PPARD: variants seen among roughly 807,000 people sequenced by gnomAD.
PPARD encodes the protein peroxisome proliferator-activated receptor delta.
A neutral mutation model predicts 39.5 loss-of-function variants in PPARD; 6 were observed. That is an observed-to-expected ratio of 0.15 (90% CI 0.08 to 0.30). PPARD has a LOEUF of 0.30. Among genes scored for constraint, PPARD ranks in the 10% least tolerant of loss-of-function variants. The pLI is 1.00. For missense variants in PPARD, 397 were observed against 596.8 expected (o/e 0.67, Z 3.49); for synonymous variants, 210 against 231.3 (o/e 0.91, Z 0.83).
chr6:35,353,101 T>G (rs1023087195), intron 2 of PPARD, among the ~76,000 whole-genome samples: 1 of 152,248 alleles, frequency 6.6e-6, no homozygotes, highest in African/African-American at 2.4e-5. Context: ...CTCATGATTT[T>G]CATTCCTGGA....
intron 2 of PPARD, 70 bp downstream of exon 2, chr6:35,347,220 C>T: frequency 6.7e-7 from 1 of 1,490,888 alleles, no homozygotes; most frequent in East Asian, 2.5e-5. Flanking sequence ...AAGATCCTGA[C>T]CTTGAAGATG....
chr6:35,348,419 C>T, intron 2 of PPARD: 2 of 985,386 alleles, frequency 2.0e-6, no homozygotes, highest in Non-Finnish European at 2.4e-6. Flanking sequence ...ATTGCTGTTT[C>T]CATGTTCTCA....
rs200950262 is a variant in PPARD at position 35,420,099 on chromosome 6, G to T, written c.131-28G>T. On this transcript the variant is annotated intron_variant, in intron 3 of 7. Coordinates refer to ENST00000360694, the MANE Select transcript of PPARD (RefSeq NM_006238.5). ...TGGCTTCCAGGCCTGGCAGCATGTG[G>T]AGCTGCCCCTCCATCGTGTGTCCGC... 3.7e-6 allele frequency: 6 copies of T among 1,604,670 alleles called. No individual in the cohort carries two copies. In the African/African-American group the frequency reaches 8.1e-5, roughly 22 times the overall value.
Position 35,425,808 on chromosome 6 carries a change from C to CCTACTTCCCTG in PPARD, c.1079-24_1079-23insCTACTTCCCTG. 1 of 1,610,888 alleles carries CCTACTTCCCTG rather than the reference C, an allele frequency of 6.2e-7. No individual in the cohort carries two copies. The highest frequency in any genetic ancestry group is 8.5e-7 in the Non-Finnish European group (1 of 1,178,326). ...GAGCTCCACTGCCTTTCTGAGCTCC[C>CCTACTTCCCTG]TGGCGTGCCCTGTGTCCCCACAGAC... On this transcript the variant is annotated intron_variant, in intron 7 of 7. Coordinates refer to ENST00000360694, the MANE Select transcript of PPARD (RefSeq NM_006238.5). This position sits in a 1 kb window ranked among gnomAD's most constrained non-coding sequence, Gnocchi z 4.5.
At chr6:35,386,901 G>T (rs944075647) in intron 2 of PPARD, among the ~76,000 whole-genome samples, 1 of 151,890 alleles carries the variant, frequency 6.6e-6, no homozygotes, top group Non-Finnish European at 1.5e-5. Context: ...GCACCCTGGA[G>T]GTCTTTGTTC....
intron 2 of PPARD, among the ~76,000 whole-genome samples, chr6:35,394,665 G>T (rs770580068): frequency 4.0e-5 from 6 of 151,776 alleles, no homozygotes; most frequent in Non-Finnish European, 8.8e-5. Flanking sequence ...CAGTTACCTG[G>T]GAGGCTGAGG....
chr6:35,374,968 C>A (rs750077800), intron 2 of PPARD, among the ~76,000 whole-genome samples: 2 of 152,016 alleles, frequency 1.3e-5, no homozygotes, highest in African/African-American at 2.4e-5. Context: ...TGTTTTTTGC[C>A]GTGAGGTCTG....
At chr6:35,368,323 AT>A (rs2150526494) in intron 2 of PPARD, among the ~76,000 whole-genome samples, 1 of 152,282 alleles carries the variant, frequency 6.6e-6, no homozygotes, top group African/African-American at 2.4e-5. Context: ...TGGCCTTTTG[AT>A]GCACAGTGCT....
intron 2 of PPARD, among the ~76,000 whole-genome samples, chr6:35,362,644 TG>T (rs1774420518): frequency 6.6e-6 from 1 of 151,920 alleles, no homozygotes; most frequent in South Asian, 2.1e-4. Flanking sequence ...GGGTCCCTGG[TG>T]CTGTCTTGAG....
intron 2 of PPARD, among the ~76,000 whole-genome samples, chr6:35,382,962 A>G (rs992943125): frequency 6.6e-6 from 1 of 152,222 alleles, no homozygotes; most frequent in African/African-American, 2.4e-5. Flanking sequence ...CCACTAGCCC[A>G]CTGGGCAGCG....
At chr6:35,385,448 A>G (rs1209103523) in intron 2 of PPARD, among the ~76,000 whole-genome samples, 1 of 150,532 alleles carries the variant, frequency 6.6e-6, no homozygotes, top group African/African-American at 2.4e-5. Context: ...GCTCGTTAAG[A>G]GTCATCACCA....
chr6:35,420,582 C>T (rs1766083869), intron 4 of PPARD, among the ~76,000 whole-genome samples: 1 of 152,174 alleles, frequency 6.6e-6, no homozygotes, highest in African/African-American at 2.4e-5. Flanking sequence ...GCTGAGCCAT[C>T]GTCTTACCTG....
At chr6:35,359,086 A>G (rs1035645931) in intron 2 of PPARD, among the ~76,000 whole-genome samples, 1 of 152,208 alleles carries the variant, frequency 6.6e-6, no homozygotes, top group African/African-American at 2.4e-5. Context: ...AGAATCTCGC[A>G]GGCAGAGGGA....
At position 35,425,222 on chromosome 6, in the gene PPARD, CA is replaced by C. The variant is rs1474330976; in HGVS notation, c.1078+447del. ...CCGAGAGGTGGAGGTTGCAGTGAGC[CA>C]AAATCCCACCACTGCACTCCAGCCT... On this transcript the variant is annotated intron_variant, in intron 7 of 7. Coordinates refer to ENST00000360694, the MANE Select transcript of PPARD (RefSeq NM_006238.5). The surrounding 1 kb of genome is among the most constrained non-coding windows in gnomAD (Gnocchi z 4.5). 1 of 989,424 alleles carries C rather than the reference CA, an allele frequency of 1.0e-6. No individual in the cohort carries two copies. Among genetic ancestry groups the C allele is most frequent in the Non-Finnish European group, 1.2e-6 (1 of 821,938 alleles). 61.3% of individuals were successfully genotyped at this position (989,424 alleles called of 1,614,324 possible).
In PPARD at chr6:35,408,108, C is replaced by T. The variant is rs138171854; in HGVS notation, c.-101-2879C>T. ...GGCCAGGTGCTTTCGGACTTTTCAC[C>T]CACCCTCCTACCCTGTCTTCTGCTG... On this transcript the variant is annotated intron_variant, in intron 2 of 7. Coordinates refer to ENST00000360694, the MANE Select transcript of PPARD (RefSeq NM_006238.5). Among the ~76,000 whole-genome samples the T allele has an allele frequency of 6.7e-3, 1,016 of 152,312 alleles. 8 individuals are homozygous for T. Among genetic ancestry groups the T allele is most frequent in the Middle Eastern group, 0.014 (4 of 294 alleles).
At chr6:35,372,280 C>T (rs1762523506) in intron 2 of PPARD, among the ~76,000 whole-genome samples, 1 of 152,214 alleles carries the variant, frequency 6.6e-6, no homozygotes, top group South Asian at 2.1e-4. Context: ...CAGGTTCAAG[C>T]CATTCTCCTG....
At chr6:35,410,418 G>T (rs1765349615) in intron 2 of PPARD, among the ~76,000 whole-genome samples, 1 of 152,158 alleles carries the variant, frequency 6.6e-6, no homozygotes, top group Non-Finnish European at 1.5e-5. Flanking sequence ...TTTTTCTGAT[G>T]TCTCTGCTAT....
rs1009410715 is a variant in PPARD, at chr6:35,342,694, C to G, written c.-186+13C>G. On this transcript the variant is annotated intron_variant, in intron 1 of 7. Transcript: ENST00000360694. ...GCAGCCGGGACAGGTCAGTCCGAGACGAGAGAAGCGGTCAGGCAAGTGGCG... is the reference window on the plus strand; with the variant it reads ...GCAGCCGGGACAGGTCAGTCCGAGAGGAGAGAAGCGGTCAGGCAAGTGGCG... 2 of 152,540 alleles carry G rather than the reference C, an allele frequency of 1.3e-5. No individual in the cohort carries two copies. The highest frequency in any genetic ancestry group is 4.8e-5 in the African/African-American group (2 of 41,458). 9.4% of individuals were successfully genotyped at this position (152,540 alleles called of 1,614,324 possible).
chr6:35,375,487 A>T (rs1762763223), intron 2 of PPARD, among the ~76,000 whole-genome samples: 1 of 152,064 alleles, frequency 6.6e-6, no homozygotes, highest in African/African-American at 2.4e-5. Flanking sequence ...AAGTGCTGGG[A>T]TTACAGGCAT....
Sources: gnomAD v4.1 joint callset for allele counts (sites outside exome capture counted in the v4.1 genomes callset) on GRCh38, gnomAD v4.1.1 for gene constraint, Gnocchi (gnomAD v3.1) non-coding constraint, MANE v1.5 for transcripts, NCBI Gene and HGNC (gene_info 2026-07-23, HGNC 2026-07-21) for gene names.